Variants in DMBT1 observed in about 807,000 individuals in gnomAD.
DMBT1 encodes scavenger receptor cysteine-rich domain-containing protein DMBT1.
DMBT1 carries 198 observed loss-of-function variants against 252.9 expected under a neutral mutation model. The observed-to-expected ratio is 0.78, with a 90% CI of 0.70 to 0.88. The LOEUF (loss-of-function observed/expected upper bound fraction) is 0.88. Ranked by LOEUF, DMBT1 falls within the 40% of genes least tolerant of loss-of-function variation. DMBT1 has a pLI of 0.00. For synonymous variants in DMBT1, 990 were observed against 942.7 expected, an observed-to-expected ratio of 1.05 and a Z score of -0.92; for missense variants, 2,432 against 2,404.7, an observed-to-expected ratio of 1.01 and a Z score of -0.24.
chr10:122,566,974 C>T (rs2097599626), intron 2 of DMBT1, among the ~76,000 whole-genome samples: 1 of 152,164 alleles, frequency 6.6e-6, no homozygotes, highest in South Asian at 2.1e-4. Flanking sequence ...TTACCCCTGC[C>T]CTGGTCTTTG....
chr10:122,576,288 G>A, intron 6 of DMBT1, 111 bp from the exon 7 acceptor site: 1 of 1,454,214 alleles, frequency 6.9e-7, no homozygotes, highest in East Asian at 2.3e-5. Context: ...AGCCCAATTA[G>A]AGATTCTCTC....
chr10:122,631,797 G>A (rs1006144746), intron 49 of DMBT1, 58 bp from the exon 50 acceptor site: 14 of 1,598,226 alleles, frequency 8.8e-6, no homozygotes, highest in Non-Finnish European at 1.2e-5. Flanking sequence ...GTCTCATTCC[G>A]GCCCCTCCTC....
Position 122,643,109 on chromosome 10 carries a change from T to G in DMBT1, c.7353-13T>G. On this transcript the variant is annotated splice_polypyrimidine_tract_variant and intron_variant, in intron 55 of 55. Coordinates refer to ENST00000338354, the MANE Select transcript of DMBT1 (RefSeq NM_001377530.1). ...GCCTTGGTGAGAGCTAAGGGGCTAC[T>G]GTTCTCTTCCAGATGCGTGAGGGAT... 1 of 1,611,924 alleles carries G rather than the reference T, an allele frequency of 6.2e-7. No homozygotes were observed. Among genetic ancestry groups the G allele is most frequent in the Non-Finnish European group, 8.5e-7 (1 of 1,178,248 alleles).
At chr10:122,622,307 A>G (rs2098078049) in intron 44 of DMBT1, among the ~76,000 whole-genome samples, 1 of 152,176 alleles carries the variant, frequency 6.6e-6, no homozygotes, top group African/African-American at 2.4e-5. Flanking sequence ...CCAGTTGTCA[A>G]TTGATCTTTA....
intron 21 of DMBT1, 74 bp downstream of exon 21, chr10:122,593,672 C>A: frequency 6.9e-7 from 1 of 1,439,152 alleles, no homozygotes. Flanking sequence ...CTCCACAGAG[C>A]TCTCCTGTTT....
intron 1 of DMBT1, among the ~76,000 whole-genome samples, chr10:122,561,985 G>A (rs2097551259): frequency 6.6e-6 from 1 of 150,772 alleles, no homozygotes; most frequent in African/African-American, 2.4e-5. Context: ...CTCTTCATCT[G>A]TCAGGCAGCT....
chr10:122,579,866 G>C lies in DMBT1; in HGVS notation c.968G>C (p.Cys323Ser). 4 of 1,613,828 alleles carry C rather than the reference G, an allele frequency of 2.5e-6. No individual in the cohort carries two copies. The highest frequency in any genetic ancestry group is 3.4e-6 in the Non-Finnish European group (4 of 1,179,766). Residue 323 changes from cysteine to serine, a missense_variant, in exon 10 of 56, where the codon TGT becomes TCT. Cys to Ser is a moderately radical substitution (Grantham distance 112). This residue lies in a region of DMBT1 where 1,264 missense variants were observed against 1,082.2 expected (regional missense o/e 1.17). Transcript: ENST00000338354. ...CACAATGGCTGGCTCACCCACAACT[G>C]TGGCCATAGTGAAGACGCTGGTGTC... Reference protein sequence around the residue: ...CPHNGWLTHNCGHSEDAGVIC... With the variant: ...CPHNGWLTHNSGHSEDAGVIC...
At chr10:122,637,577 A>G (rs1251097211) in intron 54 of DMBT1, among the ~76,000 whole-genome samples, 3 of 152,216 alleles carry the variant, frequency 2.0e-5, no homozygotes, top group African/African-American at 7.2e-5. Flanking sequence ...CCCATCAGCA[A>G]TAACAACAGC....
Position 122,634,364 on chromosome 10 carries a change from C to CTTTCTTTCTT in DMBT1, c.6548+1025_6548+1034dup, listed in dbSNP as rs753967203. Among the ~76,000 whole-genome samples the CTTTCTTTCTT allele has an allele frequency of 6.0e-3, 700 of 117,270 alleles. 7 individuals are homozygous for CTTTCTTTCTT. The highest frequency in any genetic ancestry group is 7.4e-3 in the Non-Finnish European group (425 of 57,430). The allele number at this position is 117,270 out of a possible 152,430, so 76.9% of individuals were successfully genotyped here. A position where few individuals can be genotyped will look rare whatever the true frequency, so the allele number is the denominator to read the frequency against. ...CTTTTCTTTCTTTCTTTCTTTCTTT[C>CTTTCTTTCTT]TTTCTTTCTTTCTTTCTTTCTTTCT... On this transcript the variant is annotated intron_variant, in intron 52 of 55. Coordinates refer to ENST00000338354, the MANE Select transcript of DMBT1 (RefSeq NM_001377530.1).
At chr10:122,586,556 A>G (rs1190680638) in intron 16 of DMBT1, among the ~76,000 whole-genome samples, 173 bp downstream of exon 16, 1 of 148,396 alleles carries the variant, frequency 6.7e-6, no homozygotes, top group Admixed American at 6.7e-5. Context: ...CCAGGTTTTG[A>G]GGAGGTCAGA....
rs753664514 is a variant in DMBT1 at position 122,618,063 on chromosome 10, G to A, written c.4938G>A (p.Arg1646=). The A allele has an allele frequency of 1.2e-6, 2 of 1,613,630 alleles. No individual in the cohort carries two copies. Among genetic ancestry groups the A allele is most frequent in the South Asian group, 1.1e-5 (1 of 91,060 alleles). The change falls in exon 41 of 56, where the codon AGG becomes AGA. Residue 1646 remains arginine, a synonymous_variant. Coordinates refer to ENST00000338354, the MANE Select transcript of DMBT1 (RefSeq NM_001377530.1). ...TGAGACTGGTGAATGGAGGTGACAG[G>A]TGTCGAGGCCGAGTGGAGGTCCTAT... ...LALRLVNGGD[R]CRGRVEVLYQ... is the part of the protein sequence containing the mutation.
intron 25 of DMBT1, among the ~76,000 whole-genome samples, chr10:122,598,468 G>A (rs749481498): frequency 6.6e-6 from 1 of 152,160 alleles, no homozygotes; most frequent in Non-Finnish European, 1.5e-5. Context: ...AGTCTGGCCT[G>A]CCTACTGTAG....
chr10:122,617,789 G>C (rs938958546), intron 40 of DMBT1, among the ~76,000 whole-genome samples: 2 of 151,548 alleles, frequency 1.3e-5, no homozygotes, highest in Non-Finnish European at 2.9e-5. Flanking sequence ...ACTTCCAGTG[G>C]GGTCACAGGT....
chr10:122,590,581 C>T (rs2133582716), intron 17 of DMBT1, 84 bp from the exon 18 acceptor site: 2 of 1,487,226 alleles, frequency 1.3e-6, no homozygotes, highest in Non-Finnish European at 9.3e-7. Context: ...ACTGAAGGCG[C>T]TACCAGTTTA....
At chr10:122,638,773 C>T (rs4752713) in intron 54 of DMBT1, among the ~76,000 whole-genome samples, 2 of 152,128 alleles carry the variant, frequency 1.3e-5, no homozygotes, top group Non-Finnish European at 2.9e-5. Context: ...ACCATATTGC[C>T]TATCACACTG....
At chr10:122,599,613 T>A (rs1315102658) in intron 26 of DMBT1, among the ~76,000 whole-genome samples, 1 of 152,184 alleles carries the variant, frequency 6.6e-6, no homozygotes, top group Non-Finnish European at 1.5e-5. Context: ...GTCCTTGACC[T>A]CAGGTCCTCT....
rs767462446 is a variant in DMBT1 at position 122,630,008 on chromosome 10, G to C, written c.5822+15G>C. The C allele has an allele frequency of 6.2e-7, 1 of 1,613,782 alleles. No homozygotes were observed. The highest frequency in any genetic ancestry group is 1.1e-5 in the South Asian group (1 of 91,030). ...AGTAATCTGAAGTAAGTAATGCCTGGTCATCTGGTGAGGGGTGAGTTCCTC... is the reference window on the plus strand; with the variant it reads ...AGTAATCTGAAGTAAGTAATGCCTGCTCATCTGGTGAGGGGTGAGTTCCTC... On this transcript the variant is annotated intron_variant, in intron 47 of 55. Coordinates refer to ENST00000338354, the MANE Select transcript of DMBT1 (RefSeq NM_001377530.1).
intron 10 of DMBT1, 48 bp downstream of exon 10, chr10:122,579,949 C>A: frequency 6.2e-7 from 1 of 1,612,516 alleles, no homozygotes; most frequent in Non-Finnish European, 8.5e-7. Context: ...GGAGTTTGCT[C>A]CAAAAGAAAC....
chr10:122,636,304 C>G (rs1688292557), intron 53 of DMBT1, 105 bp downstream of exon 53: 1 of 1,052,040 alleles, frequency 9.5e-7, no homozygotes, highest in African/African-American at 1.6e-5. Flanking sequence ...GGAACCCTTT[C>G]AGGTCACCAG....
Sources: gnomAD v4.1 joint callset for allele counts (sites outside exome capture counted in the v4.1 genomes callset) on GRCh38, gnomAD v4.1.1 for gene constraint, gnomAD v4.1.1 regional missense constraint, MANE v1.5 for transcripts, NCBI Gene and HGNC (gene_info 2026-07-23, HGNC 2026-07-21) for gene names.